The following SUGCT variants were observed in gnomAD, a reference collection of about 807,000 sequenced individuals.
SUGCT encodes succinyl-CoA:glutarate CoA-transferase.
In SUGCT, 41 loss-of-function variants were observed where a neutral mutation model predicts 55.0. The ratio of observed to expected loss-of-function variants is 0.74; its 90% CI spans 0.58 to 0.97. The LOEUF (loss-of-function observed/expected upper bound fraction) is 0.97, where lower values mean the gene tolerates loss of function less well. Ranked by LOEUF, SUGCT falls within the 50% of genes least tolerant of loss-of-function variation. The probability of loss-of-function intolerance (pLI) is 0.00; values close to 1 mark genes in which losing one functional copy is unlikely to be tolerated. For synonymous variants in SUGCT, 187 were observed against 200.4 expected, an observed-to-expected ratio of 0.93 and a Z score of 0.56; for missense variants, 568 against 547.8, an observed-to-expected ratio of 1.04 and a Z score of -0.37.
the SUGCT span, among the ~76,000 whole-genome samples, chr7:40,928,892 C>T: frequency 1.3e-5 from 2 of 152,106 alleles, no homozygotes; most frequent in Non-Finnish European, 2.9e-5. Context: ...AGCCACCCTG[C>T]CCGGCAAAAC....
chr7:40,252,248 C>A (rs1316996172), intron 7 of SUGCT, among the ~76,000 whole-genome samples: 1 of 152,056 alleles, frequency 6.6e-6, no homozygotes, highest in African/African-American at 2.4e-5. Flanking sequence ...CCACCTCAGC[C>A]CCCCAGGTAG....
chr7:40,838,110 G>C (rs771132301), intron 13 of SUGCT, among the ~76,000 whole-genome samples: 5 of 152,280 alleles, frequency 3.3e-5, no homozygotes, highest in Non-Finnish European at 5.9e-5. Flanking sequence ...CATTGACTGA[G>C]ATTTCTATCG....
chr7:40,138,920 G>C (rs920246196), intron 1 of SUGCT, among the ~76,000 whole-genome samples: 1 of 152,004 alleles, frequency 6.6e-6, no homozygotes, highest in Non-Finnish European at 1.5e-5. Context: ...TTCTGGTTAT[G>C]AATTTAAAAT....
At chr7:40,358,018 A>G (rs1031273695) in intron 9 of SUGCT, among the ~76,000 whole-genome samples, 1 of 152,210 alleles carries the variant, frequency 6.6e-6, no homozygotes, top group African/African-American at 2.4e-5. Flanking sequence ...AGACTTGGCT[A>G]TTTTGTTTCC....
the SUGCT span, among the ~76,000 whole-genome samples, chr7:40,879,897 C>T: frequency 1.3e-5 from 2 of 152,134 alleles, no homozygotes; most frequent in Admixed American, 1.3e-4. Context: ...GCTGACATGG[C>T]TTAGCTTGGA....
chr7:40,713,814 C>T (rs1307587627), intron 12 of SUGCT, among the ~76,000 whole-genome samples: 1 of 152,182 alleles, frequency 6.6e-6, no homozygotes, highest in African/African-American at 2.4e-5. Flanking sequence ...CTACCCTCTC[C>T]TGTCCCTCTC....
chr7:40,219,504 T>G (rs142651532), intron 6 of SUGCT, among the ~76,000 whole-genome samples: 148 of 152,240 alleles, frequency 9.7e-4, no homozygotes, highest in African/African-American at 3.4e-3. Flanking sequence ...CTTTTCCAAA[T>G]GAAGGGGGGA....
the SUGCT span, among the ~76,000 whole-genome samples, chr7:40,955,157 T>C: frequency 7.7e-4 from 118 of 152,320 alleles, no homozygotes; most frequent in African/African-American, 2.6e-3. Context: ...TAAAGTAGTT[T>C]TTTCTAATTC....
At position 40,502,664 on chromosome 7, in the gene SUGCT, C is replaced by A. The variant is rs1367204059; in HGVS notation, c.1089+6278C>A. Among the ~76,000 whole-genome samples the A allele has an allele frequency of 6.6e-5, 10 of 152,002 alleles. 1 individual carries two copies. The highest frequency in any genetic ancestry group is 1.3e-4 in the Non-Finnish European group (9 of 67,960). On this transcript the variant is annotated intron_variant, in intron 12 of 13. Transcript: ENST00000335693. The stretch of plus-strand genomic sequence containing the variant: ...TCCATTGTGCATTTTATGCTTATAG[C>A]ACTTGTTGCAGACTAGTCTCATTTC...
chr7:40,878,271 C>A, the SUGCT span, among the ~76,000 whole-genome samples: 1 of 152,038 alleles, frequency 6.6e-6, no homozygotes, highest in East Asian at 1.9e-4. Flanking sequence ...AAAATATTAT[C>A]TTCTGTTTCC....
At chr7:40,613,914 A>G (rs1798877962) in intron 12 of SUGCT, among the ~76,000 whole-genome samples, 1 of 152,110 alleles carries the variant, frequency 6.6e-6, no homozygotes, top group African/African-American at 2.4e-5. Flanking sequence ...GCCTGCACCC[A>G]GTATTTCTAA....
intron 12 of SUGCT, among the ~76,000 whole-genome samples, chr7:40,729,120 A>G (rs756926757): frequency 3.3e-5 from 5 of 152,210 alleles, no homozygotes; most frequent in African/African-American, 4.8e-5. Flanking sequence ...AAATTCATTA[A>G]TATTTAATTC....
the SUGCT span, among the ~76,000 whole-genome samples, chr7:40,898,284 A>G: frequency 6.6e-6 from 1 of 152,116 alleles, no homozygotes; most frequent in East Asian, 1.9e-4. Flanking sequence ...CAGAAGGAAC[A>G]AACAACTCCA....
At chr7:40,779,361 G>A (rs1281426195) in intron 13 of SUGCT, among the ~76,000 whole-genome samples, 1 of 152,106 alleles carries the variant, frequency 6.6e-6, no homozygotes. Flanking sequence ...ATACTGCATT[G>A]CATTAAACGC....
intron 12 of SUGCT, among the ~76,000 whole-genome samples, chr7:40,689,117 T>C (rs1459857279): frequency 1.3e-5 from 2 of 152,194 alleles, no homozygotes; most frequent in East Asian, 3.9e-4. Context: ...AAGCTTCTTG[T>C]AGGTTAAGAC....
chr7:40,521,363 C>T (rs544410102), intron 12 of SUGCT, among the ~76,000 whole-genome samples: 1 of 152,242 alleles, frequency 6.6e-6, no homozygotes, highest in East Asian at 1.9e-4. Flanking sequence ...TCTGCCTTCA[C>T]CTTTCCACAT....
chr7:40,741,006 A>T (rs1355854751), intron 12 of SUGCT, among the ~76,000 whole-genome samples: 1 of 152,194 alleles, frequency 6.6e-6, no homozygotes, highest in Non-Finnish European at 1.5e-5. Context: ...GCATCCTGGC[A>T]TGGTGGCTCA....
At chr7:40,165,576 T>G (rs1784381871) in intron 1 of SUGCT, among the ~76,000 whole-genome samples, 1 of 152,204 alleles carries the variant, frequency 6.6e-6, no homozygotes, top group Non-Finnish European at 1.5e-5. Flanking sequence ...ACATTACAAT[T>G]TATGCCTTTT....
chr7:40,623,160 T>G (rs1286479085), intron 12 of SUGCT, among the ~76,000 whole-genome samples: 1 of 152,174 alleles, frequency 6.6e-6, no homozygotes, highest in Non-Finnish European at 1.5e-5. Context: ...AAGGCTACAC[T>G]TCATTATCTC....
Sources: gnomAD v4.1 joint callset for allele counts (sites outside exome capture counted in the v4.1 genomes callset) on GRCh38, gnomAD v4.1.1 for gene constraint, MANE v1.5 for transcripts, NCBI Gene and HGNC (gene_info 2026-07-23, HGNC 2026-07-21) for gene names.